Variants in CLDN10 observed in about 807,000 individuals in gnomAD.
CLDN10 encodes claudin-10.
CLDN10 carries 15 observed loss-of-function variants against 22.9 expected under a neutral mutation model. The ratio of observed to expected loss-of-function variants is 0.65; its 90% CI spans 0.44 to 1.01. The LOEUF (loss-of-function observed/expected upper bound fraction) is 1.01, where lower values mean the gene tolerates loss of function less well. CLDN10 is among the 50% of genes least tolerant of loss of function. The pLI, the probability that CLDN10 is intolerant of heterozygous loss-of-function variation, is 0.00. For synonymous variants in CLDN10, 114 were observed against 111.4 expected (o/e 1.02, Z -0.15); for missense variants, 247 against 287.8 (o/e 0.86, Z 1.03).
intron 1 of CLDN10, among the ~76,000 whole-genome samples, chr13:95,500,273 TGCATGC>T (rs1263372482): frequency 1.3e-5 from 2 of 151,464 alleles, no homozygotes; most frequent in African/African-American, 4.9e-5. Context: ...AACAGCATGT[TGCATGC>T]GAGTGAGGCG....
At chr13:95,472,209 T>C (rs1455945616) in intron 1 of CLDN10, among the ~76,000 whole-genome samples, 1 of 152,114 alleles carries the variant, frequency 6.6e-6, no homozygotes, top group African/African-American at 2.4e-5. Flanking sequence ...ATGGTAGTAC[T>C]AGGCCATGGG....
intron 1 of CLDN10, among the ~76,000 whole-genome samples, chr13:95,463,911 T>G (rs2042560805): frequency 2.0e-5 from 3 of 152,144 alleles, no homozygotes; most frequent in African/African-American, 7.2e-5. Context: ...CTGCTGAAAT[T>G]GTCTGAATTA....
At chr13:95,555,995 G>A (rs1400772967) in intron 1 of CLDN10, among the ~76,000 whole-genome samples, 2 of 151,986 alleles carry the variant, frequency 1.3e-5, no homozygotes, top group Non-Finnish European at 2.9e-5. Flanking sequence ...CCTATCTTGT[G>A]TTAGGTAGAA....
chr13:95,505,661 G>A (rs927509328), intron 1 of CLDN10, among the ~76,000 whole-genome samples: 7 of 151,792 alleles, frequency 4.6e-5, no homozygotes, highest in African/African-American at 1.7e-4. Context: ...AGTGGGCAAA[G>A]CAGATGTTTA....
intron 1 of CLDN10, among the ~76,000 whole-genome samples, chr13:95,470,061 A>G (rs1044112281): frequency 2.0e-5 from 3 of 152,194 alleles, no homozygotes; most frequent in Non-Finnish European, 1.5e-5. Context: ...CACTACATAC[A>G]ATGTACTGGG....
intron 1 of CLDN10, chr13:95,497,228 A>G (rs1420132481): frequency 6.6e-6 from 1 of 152,216 alleles, no homozygotes; most frequent in East Asian, 1.9e-4. Context: ...ATTATAGTGA[A>G]TGAAACTTAT....
chr13:95,559,456 TTC>T (rs2043677330), intron 1 of CLDN10, among the ~76,000 whole-genome samples: 2 of 152,242 alleles, frequency 1.3e-5, no homozygotes, highest in Non-Finnish European at 1.5e-5. Context: ...TAAATTACTC[TTC>T]TACAAAATAG....
intron 1 of CLDN10, among the ~76,000 whole-genome samples, chr13:95,534,321 C>A (rs9561897): frequency 6.6e-6 from 1 of 151,536 alleles, no homozygotes. Flanking sequence ...ACTGCCAGGA[C>A]GATATGTTAA....
At chr13:95,459,122 G>T (rs1292191703) in intron 1 of CLDN10, among the ~76,000 whole-genome samples, 1 of 152,222 alleles carries the variant, frequency 6.6e-6, no homozygotes, top group Non-Finnish European at 1.5e-5. Context: ...GGTCTCCCAT[G>T]GCCTTGGACA....
At chr13:95,483,102 A>C (rs935971249) in intron 1 of CLDN10, among the ~76,000 whole-genome samples, 1 of 152,260 alleles carries the variant, frequency 6.6e-6, no homozygotes, top group African/African-American at 2.4e-5. Context: ...GCCCGTCCTC[A>C]GGCCTGGGAG....
At chr13:95,470,542 A>C (rs904248710) in intron 1 of CLDN10, among the ~76,000 whole-genome samples, 5 of 152,138 alleles carry the variant, frequency 3.3e-5, no homozygotes, top group African/African-American at 1.2e-4. Flanking sequence ...TCTAAGTCAA[A>C]GTTCAGTCTC....
At chr13:95,510,680 T>C (rs574289864) in intron 1 of CLDN10, among the ~76,000 whole-genome samples, 9 of 152,212 alleles carry the variant, frequency 5.9e-5, no homozygotes, top group African/African-American at 2.2e-4. Context: ...TACATAATTA[T>C]ATAAAATATG....
At chr13:95,438,649 C>T (rs925625624) in intron 1 of CLDN10, among the ~76,000 whole-genome samples, 18 of 152,296 alleles carry the variant, frequency 1.2e-4, no homozygotes, top group Admixed American at 9.8e-4. Context: ...TGCTTCACCT[C>T]TCTCCCCACT....
At chr13:95,500,118 G>C (rs2042969498) in intron 1 of CLDN10, among the ~76,000 whole-genome samples, 2 of 152,302 alleles carry the variant, frequency 1.3e-5, no homozygotes, top group Admixed American at 6.5e-5. Flanking sequence ...TGCCTGCTAT[G>C]TGCCAGGCAC....
intron 1 of CLDN10, chr13:95,497,055 C>G (rs1346758614): frequency 6.6e-6 from 1 of 151,930 alleles, no homozygotes; most frequent in East Asian, 1.9e-4. Flanking sequence ...ATAATAGTAC[C>G]TACCTCATAG....
intron 1 of CLDN10, among the ~76,000 whole-genome samples, chr13:95,438,439 C>T (rs766900909): frequency 3.9e-5 from 6 of 152,110 alleles, no homozygotes; most frequent in Non-Finnish European, 8.8e-5. Context: ...GTTATCTTGA[C>T]CAGCTTCCTG....
intron 1 of CLDN10, among the ~76,000 whole-genome samples, chr13:95,475,070 A>G (rs971542598): frequency 5.9e-5 from 9 of 152,192 alleles, no homozygotes; most frequent in Non-Finnish European, 1.3e-4. Flanking sequence ...TAAGGAGTCA[A>G]GGACACACAT....
chr13:95,564,125 T>A (rs1028500931), intron 3 of CLDN10, among the ~76,000 whole-genome samples: 1 of 152,240 alleles, frequency 6.6e-6, no homozygotes, highest in Non-Finnish European at 1.5e-5. Context: ...GATGCCACTA[T>A]AGGAATGTTC....
intron 1 of CLDN10, among the ~76,000 whole-genome samples, chr13:95,518,786 A>T (rs991738567): frequency 1.3e-5 from 2 of 152,144 alleles, no homozygotes; most frequent in African/African-American, 2.4e-5. Context: ...AATATAAAAG[A>T]AGTCTAATTT....
Sources: gnomAD v4.1 joint callset for allele counts (sites outside exome capture counted in the v4.1 genomes callset) on GRCh38, gnomAD v4.1.1 for gene constraint, MANE v1.5 for transcripts, NCBI Gene and HGNC (gene_info 2026-07-23, HGNC 2026-07-21) for gene names.